Variants in ARHGEF3 observed in about 807,000 individuals in gnomAD.
ARHGEF3 encodes 59.8 kDA protein.
A neutral mutation model predicts 63.2 loss-of-function variants in ARHGEF3; 28 were observed. The ratio of observed to expected loss-of-function variants is 0.44; its 90% confidence interval spans 0.33 to 0.61. The LOEUF (loss-of-function observed/expected upper bound fraction) is 0.61. ARHGEF3 is among the 20% of genes least tolerant of loss of function. The pLI is 0.03. For missense variants in ARHGEF3, 533 were observed against 659.3 expected (o/e 0.81, Z 2.10); for synonymous variants, 266 against 254.2 (o/e 1.05, Z -0.44).
chr3:57,073,545 G>A, intron 1 of ARHGEF3: 7 of 1,332,498 alleles, frequency 5.3e-6, no homozygotes, highest in Non-Finnish European at 7.0e-6. Context: ...GAGCACCCCG[G>A]GATGATTGGT....
chr3:56,877,059 G>A (rs115667024), intron 4 of ARHGEF3, among the ~76,000 whole-genome samples: 1,528 of 152,310 alleles, frequency 0.01, 26 homozygotes, highest in African/African-American at 0.035. Context: ...CAGAAGCAGA[G>A]GATAAACCTA....
chr3:57,001,915 G>GTTTTTTTT lies in ARHGEF3; in HGVS notation c.62+33165_62+33172dup, dbSNP rs1410825594. On this transcript the variant is annotated intron_variant, in intron 2 of 12. Transcript: ENST00000338458. The stretch of plus-strand genomic sequence containing the variant: ...AAATCCTAAAACCCAAAGTGAGATA[G>GTTTTTTTT]TTTTTTTTTTTTTTGTTTTTTGTTT... 2.6e-4 allele frequency among the ~76,000 whole-genome samples: 14 copies of GTTTTTTTT among 53,710 alleles called. 2 individuals carry two copies. The highest frequency in any genetic ancestry group is 4.8e-4 in the Admixed American group (2 of 4,194). The allele number at this position is 53,710 out of a possible 152,430, so 35.2% of individuals were successfully genotyped here.
chr3:56,821,166 A>C (rs902499630), intron 4 of ARHGEF3, among the ~76,000 whole-genome samples: 1 of 151,834 alleles, frequency 6.6e-6, no homozygotes, highest in African/African-American at 2.4e-5. Flanking sequence ...CTCAAAAAAA[A>C]ATAAATAAAT....
chr3:56,932,845 A>G (rs2042449321), intron 3 of ARHGEF3, among the ~76,000 whole-genome samples: 1 of 152,188 alleles, frequency 6.6e-6, no homozygotes, highest in African/African-American at 2.4e-5. Flanking sequence ...AAAATTTCCA[A>G]TCCTCAGACT....
rs62251126 is a variant in ARHGEF3, at chr3:56,985,774, A to T, written c.63-26885T>A. Among the ~76,000 whole-genome samples the T allele has an allele frequency of 9.3e-4, 70 of 75,510 alleles. 1 individual carries two copies. The highest frequency in any genetic ancestry group is 2.5e-3 in the African/African-American group (64 of 25,996). 49.5% of individuals were successfully genotyped at this position (75,510 alleles called of 152,430 possible). ...CACTGGGCCCTGGCCAGAATGAACA[A>T]GCAGGTGAGAGGAAGGCACAGACTC... On this transcript the variant is annotated intron_variant, in intron 2 of 12. Coordinates refer to the ARHGEF3 transcript ENST00000338458.
intron 2 of ARHGEF3, among the ~76,000 whole-genome samples, chr3:57,006,956 G>C (rs915921645): frequency 6.6e-6 from 1 of 152,154 alleles, no homozygotes; most frequent in Non-Finnish European, 1.5e-5. Flanking sequence ...CAACATCCAA[G>C]TGATATTCCA....
intron 1 of ARHGEF3, among the ~76,000 whole-genome samples, chr3:57,042,681 TATA>T (rs1704255055): frequency 8.4e-5 from 3 of 35,786 alleles, no homozygotes; most frequent in South Asian, 9.9e-4. Flanking sequence ...TATATATATA[TATA>T]TATATATATA....
At chr3:57,079,018 C>A (rs1352341) in intron 1 of ARHGEF3, 1 of 337,516 alleles carries the variant, frequency 3.0e-6, no homozygotes, top group Non-Finnish European at 5.4e-6. Flanking sequence ...GACCAGGGAG[C>A]GCTCAGGGCC....
At chr3:56,767,607 A>AG (rs2035781509) in intron 2 of ARHGEF3, among the ~76,000 whole-genome samples, 1 of 147,706 alleles carries the variant, frequency 6.8e-6, no homozygotes, top group Non-Finnish European at 1.5e-5. Context: ...AAAAAAAAAA[A>AG]TGCACATGCA....
Position 56,728,457 on chromosome 3 carries a change from A to G in ARHGEF3, c.*813T>C, listed in dbSNP as rs979246305. ...GGCCTAGGCAGATGAAACACAATGA[A>G]TACAGGGCCTTCTTGTTATCCTGGC... On this transcript the variant is annotated 3_prime_UTR_variant, in exon 10 of 10. Coordinates refer to ENST00000296315, the MANE Select transcript of ARHGEF3 (RefSeq NM_019555.3). 1.3e-5 allele frequency: 2 copies of G among 152,636 alleles called. No homozygotes were observed. The highest frequency in any genetic ancestry group is 2.9e-5 in the Non-Finnish European group (2 of 68,060). The allele number at this position is 152,636 out of a possible 1,614,324, so 9.5% of individuals were successfully genotyped here. A position where few individuals can be genotyped will look rare whatever the true frequency, so the allele number is the denominator to read the frequency against.
intron 3 of ARHGEF3, among the ~76,000 whole-genome samples, chr3:56,895,530 C>T (rs1256386535): frequency 6.6e-6 from 1 of 151,280 alleles, no homozygotes; most frequent in African/African-American, 2.4e-5. Context: ...GTGGCGCTAT[C>T]TTGGCTCACT....
intron 3 of ARHGEF3, chr3:56,940,707 A>AAT (rs1553786171): frequency 6.6e-6 from 1 of 152,006 alleles, no homozygotes; most frequent in East Asian, 1.9e-4. Context: ...TAAAAAAAAA[A>AAT]GCATCTGTTA....
At position 56,792,933 on chromosome 3, in the gene ARHGEF3, A is replaced by G. The variant is rs558091675; in HGVS notation, c.96+8770T>C. ...CTCCCAAAGTGCTATGATTACAGGC[A>G]TGAGACACTGTGCCCCACCAATAAG... On this transcript the variant is annotated intron_variant, in intron 1 of 9. Transcript: ENST00000296315. Among the ~76,000 whole-genome samples the G allele has an allele frequency of 2.6e-5, 4 of 151,884 alleles. No homozygotes were observed. The South Asian group carries it at 6.2e-4, about 24-fold the overall frequency.
chr3:57,007,007 G>A (rs772218469), intron 2 of ARHGEF3, among the ~76,000 whole-genome samples: 2 of 152,188 alleles, frequency 1.3e-5, no homozygotes, highest in Non-Finnish European at 2.9e-5. Flanking sequence ...TTCTGCCCGT[G>A]GAGGGGCCAC....
chr3:56,968,256 T>A (rs1323729002), intron 2 of ARHGEF3, among the ~76,000 whole-genome samples: 2 of 44,686 alleles, frequency 4.5e-5, no homozygotes, highest in Non-Finnish European at 8.5e-5. Flanking sequence ...TAATATATAA[T>A]ATTTAAATAT....
intron 1 of ARHGEF3, chr3:57,078,704 C>A (rs1706326786): frequency 6.6e-6 from 1 of 152,306 alleles, no homozygotes; most frequent in South Asian, 2.1e-4. Flanking sequence ...GCCCGGAGCG[C>A]CCTGAGCCCG....
chr3:56,791,868 A>T (rs2037094166), intron 1 of ARHGEF3, among the ~76,000 whole-genome samples: 1 of 18,102 alleles, frequency 5.5e-5, no homozygotes, highest in South Asian at 1.9e-3. Context: ...AGCAAAATTA[A>T]AAAAAAAAAA....
intron 2 of ARHGEF3, among the ~76,000 whole-genome samples, chr3:57,004,493 C>T (rs1702394540): frequency 1.3e-5 from 2 of 152,202 alleles, no homozygotes; most frequent in East Asian, 1.9e-4. Context: ...TCCTTTCTGT[C>T]TGGCCAAGGC....
At chr3:56,847,719 A>T (rs2039535902) in intron 4 of ARHGEF3, among the ~76,000 whole-genome samples, 1 of 152,200 alleles carries the variant, frequency 6.6e-6, no homozygotes, top group Non-Finnish European at 1.5e-5. Context: ...CTAGGAACAC[A>T]GGCATCCACC....
Sources: gnomAD v4.1 joint callset for allele counts (sites outside exome capture counted in the v4.1 genomes callset) on GRCh38, gnomAD v4.1.1 for gene constraint, MANE v1.5 for transcripts, NCBI Gene and HGNC (gene_info 2026-07-23, HGNC 2026-07-21) for gene names.